Variants in UNC13C observed in about 807,000 individuals in gnomAD.
UNC13C encodes the protein unc-13 homolog C.
A neutral mutation model predicts 245.4 loss-of-function variants in UNC13C; 174 were observed. The ratio of observed to expected loss-of-function variants is 0.71; its 90% CI spans 0.63 to 0.80. The LOEUF (loss-of-function observed/expected upper bound fraction) is 0.80. UNC13C is among the 30% of genes least tolerant of loss of function. The probability of loss-of-function intolerance (pLI) is 0.00; values close to 1 mark genes in which losing one functional copy is unlikely to be tolerated. For synonymous variants in UNC13C, 992 were observed against 895.1 expected, an observed-to-expected ratio of 1.11 and a Z score of -1.93; for missense variants, 2,829 against 2,602.9, an observed-to-expected ratio of 1.09 and a Z score of -1.89.
At chr15:54,355,229 T>G in intron 17 of UNC13C, among the ~76,000 whole-genome samples, 1 of 152,328 alleles carries the variant, frequency 6.6e-6, no homozygotes, top group Admixed American at 6.5e-5. Context: ...AGAAACAAAC[T>G]TAAAACTTTA....
At chr15:54,553,582 A>G (rs1396834261) in intron 28 of UNC13C, among the ~76,000 whole-genome samples, 1 of 149,376 alleles carries the variant, frequency 6.7e-6, no homozygotes, top group Non-Finnish European at 1.5e-5. Flanking sequence ...AAAAAAATGC[A>G]TAAATCTTCA....
chr15:53,841,151 C>T, the UNC13C span, among the ~76,000 whole-genome samples: 3 of 151,948 alleles, frequency 2.0e-5, no homozygotes, highest in Non-Finnish European at 4.4e-5. Context: ...TTTCCAAGAA[C>T]CTTAGAAAAT....
At chr15:53,981,866 G>A (rs764694497) in intron 1 of UNC13C, among the ~76,000 whole-genome samples, 11 of 152,074 alleles carry the variant, frequency 7.2e-5, no homozygotes, top group Non-Finnish European at 1.3e-4. Context: ...TTGTCAAAAT[G>A]GTTGTGATGC....
chr15:54,154,037 C>G (rs1342495830), intron 4 of UNC13C, among the ~76,000 whole-genome samples: 1 of 151,852 alleles, frequency 6.6e-6, no homozygotes, highest in East Asian at 1.9e-4. Context: ...TTTCTTTATG[C>G]CTGGAATATT....
At chr15:54,004,450 GA>G (rs1895047301) in intron 1 of UNC13C, among the ~76,000 whole-genome samples, 3 of 152,104 alleles carry the variant, frequency 2.0e-5, no homozygotes, top group South Asian at 2.1e-4. Context: ...TGTCTATTGT[GA>G]ACAGTACTTC....
chr15:54,108,854 G>C (rs1369834198), intron 2 of UNC13C, among the ~76,000 whole-genome samples: 1 of 152,172 alleles, frequency 6.6e-6, no homozygotes, highest in Non-Finnish European at 1.5e-5. Context: ...AGATATTACA[G>C]ATTCAGGCAA....
chr15:53,912,483 A>G, the UNC13C span: 3 of 152,230 alleles, frequency 2.0e-5, no homozygotes, highest in Non-Finnish European at 4.4e-5. Flanking sequence ...GAAAAGCTGC[A>G]TTCATTGACA....
chr15:53,983,378 TTAAC>T (rs34488337), intron 1 of UNC13C, among the ~76,000 whole-genome samples: 18,127 of 151,984 alleles, frequency 0.12, 1,405 homozygotes, highest in East Asian at 0.29. Flanking sequence ...AAGGGGAAAT[TTAAC>T]TATGAAGCTT....
chr15:54,039,717 A>G (rs1208773073), intron 2 of UNC13C, among the ~76,000 whole-genome samples: 1 of 151,944 alleles, frequency 6.6e-6, no homozygotes, highest in Non-Finnish European at 1.5e-5. Context: ...ATTTCCTAGT[A>G]TGAACTTCCC....
the UNC13C span, among the ~76,000 whole-genome samples, chr15:53,866,065 G>A: frequency 2.6e-5 from 4 of 152,106 alleles, no homozygotes; most frequent in Non-Finnish European, 5.9e-5. Context: ...TAAAAACTCA[G>A]ATTAAAGAGG....
intron 2 of UNC13C, among the ~76,000 whole-genome samples, chr15:54,140,798 G>A (rs2031982693): frequency 6.6e-6 from 1 of 151,332 alleles, no homozygotes; most frequent in African/African-American, 2.4e-5. Context: ...GTTCTTTCAT[G>A]AGGGCACTGT....
the UNC13C span, among the ~76,000 whole-genome samples, chr15:53,970,092 C>T: frequency 6.6e-6 from 1 of 151,040 alleles, no homozygotes; most frequent in South Asian, 2.1e-4. Flanking sequence ...CTCTTGTTGC[C>T]CAGACTGGAG....
chr15:54,181,097 A>G (rs1291450628), intron 4 of UNC13C, among the ~76,000 whole-genome samples: 2 of 151,868 alleles, frequency 1.3e-5, no homozygotes, highest in Non-Finnish European at 2.9e-5. Flanking sequence ...GGTGTTTTCT[A>G]TGTTTTCTTC....
At chr15:54,231,473 C>A (rs1265867182) in intron 4 of UNC13C, among the ~76,000 whole-genome samples, 2 of 148,190 alleles carry the variant, frequency 1.3e-5, no homozygotes, top group African/African-American at 5.1e-5. Flanking sequence ...TTAATAATGA[C>A]CTTGGGTATG....
At chr15:54,132,778 G>C (rs2031508167) in intron 2 of UNC13C, among the ~76,000 whole-genome samples, 2 of 152,108 alleles carry the variant, frequency 1.3e-5, no homozygotes, top group African/African-American at 4.8e-5. Flanking sequence ...AGAGCAAACT[G>C]TTTCCAAAGA....
chr15:54,499,090 C>T lies in UNC13C; in HGVS notation c.5061-989C>T, dbSNP rs148901582. On this transcript the variant is annotated intron_variant, in intron 20 of 32. Coordinates refer to ENST00000260323, the MANE Select transcript of UNC13C (RefSeq NM_001080534.3). Reference sequence around the variant, plus strand: ...AAATAGGTTTAATTGGCTCACAGTTCTGCAGGCTGTACAAGAAGCATAGTG... The same window carrying T: ...AAATAGGTTTAATTGGCTCACAGTTTTGCAGGCTGTACAAGAAGCATAGTG... Among the ~76,000 whole-genome samples the T allele has an allele frequency of 4.3e-3, 650 of 152,172 alleles. 6 individuals are homozygous for T. Among genetic ancestry groups the T allele is most frequent in the East Asian group, 0.016 (85 of 5,178 alleles).
intron 13 of UNC13C, among the ~76,000 whole-genome samples, chr15:54,311,774 A>G (rs1011152166): frequency 2.6e-5 from 4 of 151,826 alleles, no homozygotes; most frequent in Admixed American, 6.6e-5. Context: ...TTTGTCAGCG[A>G]TTTGTTTGAC....
chr15:53,909,313 T>C, the UNC13C span, among the ~76,000 whole-genome samples: 1 of 146,754 alleles, frequency 6.8e-6, no homozygotes, highest in African/African-American at 2.4e-5. Flanking sequence ...TTATTCCATA[T>C]CAGCACATAT....
chr15:54,464,879 C>CT (rs1002520443), intron 19 of UNC13C, among the ~76,000 whole-genome samples: 55 of 143,196 alleles, frequency 3.8e-4, no homozygotes, highest in Admixed American at 5.6e-4. Context: ...TCATGGATTG[C>CT]TTTTTTTTTT....
Sources: gnomAD v4.1 joint callset for allele counts (sites outside exome capture counted in the v4.1 genomes callset) on GRCh38, gnomAD v4.1.1 for gene constraint, MANE v1.5 for transcripts, NCBI Gene and HGNC (gene_info 2026-07-23, HGNC 2026-07-21) for gene names.